The following TNNT1 variants were observed in gnomAD, a reference collection of about 807,000 sequenced individuals.
TNNT1 encodes the protein troponin T1, slow skeletal type.
TNNT1 carries 53 observed loss-of-function variants against 50.6 expected under a neutral mutation model. The observed-to-expected ratio is 1.05, with a 90% CI of 0.84 to 1.32. The LOEUF is 1.32. Ranked by LOEUF, TNNT1 falls within the 40% of genes most tolerant of loss-of-function variation. TNNT1 has a pLI of 0.00. For synonymous variants in TNNT1, 142 were observed against 138.0 expected, an observed-to-expected ratio of 1.03 and a Z score of -0.20; for missense variants, 348 against 381.7, an observed-to-expected ratio of 0.91 and a Z score of 0.74.
intron 11 of TNNT1, among the ~76,000 whole-genome samples, chr19:55,134,494 T>G (rs1437151552): frequency 3.3e-5 from 5 of 150,686 alleles, no homozygotes; most frequent in Non-Finnish European, 7.4e-5. Flanking sequence ...AAGACCAGCC[T>G]GGGCAACAAA....
At chr19:55,145,281 G>T in intron 6 of TNNT1, 1 of 536,798 alleles carries the variant, frequency 1.9e-6, no homozygotes, top group Non-Finnish European at 3.3e-6. Flanking sequence ...GGGTAACAGG[G>T]TGGAGACTAT....
intron 9 of TNNT1, among the ~76,000 whole-genome samples, chr19:55,138,878 G>A (rs192088229): frequency 4.6e-5 from 7 of 152,334 alleles, no homozygotes; most frequent in Non-Finnish European, 8.8e-5. Flanking sequence ...AAGGCATTAC[G>A]ACATTCGAGA....
rs567246193 is a variant in TNNT1 at position 55,149,143 on chromosome 19, C to G, written c.-12+18G>C. The G allele has an allele frequency of 2.2e-5, 10 of 456,224 alleles. No individual in the cohort carries two copies. Among genetic ancestry groups the G allele is most frequent in the Non-Finnish European group, 3.1e-5 (7 of 226,970 alleles). The allele number at this position is 456,224 out of a possible 1,614,324, so 28.3% of individuals were successfully genotyped here. On this transcript the variant is annotated intron_variant, in intron 1 of 13. Transcript: ENST00000588981. ...GACATGGTTTTTGAAGACCACAGGG[C>G]TCCGCAGAGCCCCTTACCTAGGCTG... is the stretch of plus-strand genomic sequence containing the variant.
At position 55,133,932 on chromosome 19, in the gene TNNT1, G is replaced by A. The variant is rs192248377; in HGVS notation, c.751-5C>T. On this transcript the variant is annotated splice_region_variant and splice_polypyrimidine_tract_variant and intron_variant, in intron 12 of 13. Coordinates refer to ENST00000588981, the MANE Select transcript of TNNT1 (RefSeq NM_003283.6). ...GCGGTTGTACAGCACGTTGATCTGC[G>A]GAGGCAGAAGACAGATGCTGGGACA... The A allele has an allele frequency of 4.7e-4, 765 of 1,613,166 alleles. 6 individuals are homozygous for A. The South Asian group carries it at 5.7e-3, about 12-fold the overall frequency.
chr19:55,144,319 C>G (rs533220252), intron 6 of TNNT1, among the ~76,000 whole-genome samples: 8 of 152,268 alleles, frequency 5.3e-5, no homozygotes, highest in African/African-American at 1.9e-4. Context: ...ATCCGCCCCC[C>G]TCAGCCTCCC....
chr19:55,139,803 A>AC (rs2085417808), intron 9 of TNNT1, among the ~76,000 whole-genome samples: 1 of 137,124 alleles, frequency 7.3e-6, no homozygotes, highest in South Asian at 2.8e-4. Flanking sequence ...CCTATCTCAA[A>AC]TAAAAAAAAA....
Position 55,146,701 on chromosome 19 carries a change from G to A in TNNT1, c.53C>T (p.Ala18Val). 6.7e-6 allele frequency: 10 copies of A among 1,497,640 alleles called. No homozygotes were observed. Among genetic ancestry groups the A allele is most frequent in the Non-Finnish European group, 8.9e-6 (10 of 1,120,800 alleles). The allele number at this position is 1,497,640 out of a possible 1,614,324, so 92.8% of individuals were successfully genotyped here. A position where few individuals can be genotyped will look rare whatever the true frequency, so the allele number is the denominator to read the frequency against. ...CTCACCTTCCTCCTCCTCCTCCGCA[G>A]CCTCCTCTGGAGATGGGGGCACAGA... ...EYEEEQPEEEAAEEEEEAPEE... is the reference protein window; with the variant it reads ...EYEEEQPEEEVAEEEEEAPEE... The change falls in exon 4 of 14, where the codon GCT (alanine) becomes GTT (valine). Residue 18 changes from alanine to valine, a missense_variant. Ala to Val is a moderately conservative substitution (Grantham distance 64). Transcript: ENST00000588981.
Position 55,133,913 on chromosome 19 carries a change from G to A in TNNT1, c.765C>T (p.Tyr255=), listed in dbSNP as rs555554383. The change falls in exon 13 of 14, where the codon TAC becomes TAT. Residue 255 remains tyrosine (Y), a synonymous_variant. Coordinates refer to ENST00000588981, the MANE Select transcript of TNNT1 (RefSeq NM_003283.6). The part of the protein sequence containing the change: ...KQQKYEINVL[Y]NRISHAQKFR... Reference sequence around the variant, plus strand: ...ACTTCTGGGCGTGGCTGATGCGGTTGTACAGCACGTTGATCTGCGGAGGCA... The same window carrying A: ...ACTTCTGGGCGTGGCTGATGCGGTTATACAGCACGTTGATCTGCGGAGGCA... 1.2e-6 allele frequency: 2 copies of A among 1,613,810 alleles called. No homozygotes were observed. Among genetic ancestry groups the A allele is most frequent in the South Asian group, 2.2e-5 (2 of 91,080 alleles).
rs191289325 is a variant in TNNT1 at position 55,133,536 on chromosome 19, C to T, written c.791+351G>A. ...CTACTAAAAATACAAAAATTAGCCACGCTTGGTGGCGCGCACCTGTAATCC... is the reference window on the plus strand; with the variant it reads ...CTACTAAAAATACAAAAATTAGCCATGCTTGGTGGCGCGCACCTGTAATCC... On this transcript the variant is annotated intron_variant, in intron 13 of 13. Transcript: ENST00000588981. The T allele has an allele frequency of 4.1e-3, 1,516 of 374,012 alleles. 13 individuals carry two copies. The highest frequency in any genetic ancestry group is 6.3e-3 in the Non-Finnish European group (1,261 of 201,368). 23.2% of individuals were successfully genotyped at this position (374,012 alleles called of 1,614,324 possible). A position where few individuals can be genotyped will look rare whatever the true frequency, so the allele number is the denominator to read the frequency against.
intron 12 of TNNT1, 44 bp downstream of exon 12, chr19:55,134,022 A>G: frequency 6.5e-7 from 1 of 1,539,372 alleles, no homozygotes; most frequent in Non-Finnish European, 9.0e-7. Flanking sequence ...CTCCCAGCCC[A>G]GCCCTGCCCT....
intron 11 of TNNT1, among the ~76,000 whole-genome samples, chr19:55,136,529 T>A (rs2085348477): frequency 6.6e-6 from 1 of 152,216 alleles, no homozygotes; most frequent in Admixed American, 6.5e-5. Flanking sequence ...CCGGCAAAGC[T>A]GGCACTGAGC....
intron 1 of TNNT1, among the ~76,000 whole-genome samples, chr19:55,147,686 G>GGGGGGAGGGGCTGGAGGCTTGT (rs2085601241): frequency 7.4e-6 from 1 of 135,654 alleles, no homozygotes; most frequent in Non-Finnish European, 1.6e-5. Flanking sequence ...CTGGGGTCTG[G>GGGGGGAGGGGCTGGAGGCTTGT]ACTCCTGGAT....
At chr19:55,143,221 A>G (rs2147260243) in intron 6 of TNNT1, among the ~76,000 whole-genome samples, 1 of 151,178 alleles carries the variant, frequency 6.6e-6, no homozygotes, top group African/African-American at 2.4e-5. Flanking sequence ...GGTGGTCTTG[A>G]ACTTCTGAGC....
intron 9 of TNNT1, among the ~76,000 whole-genome samples, chr19:55,140,022 G>A (rs2085421465): frequency 6.6e-6 from 1 of 152,056 alleles, no homozygotes; most frequent in South Asian, 2.1e-4. Flanking sequence ...TACTCAGGAG[G>A]CTGAGGCAGG....
chr19:55,139,997 G>A (rs1387239161), intron 9 of TNNT1, among the ~76,000 whole-genome samples: 1 of 151,970 alleles, frequency 6.6e-6, no homozygotes, highest in African/African-American at 2.4e-5. Flanking sequence ...GGTGGCAGGT[G>A]CCTGTAATCC....
chr19:55,137,358 G>A (rs1366282964), intron 10 of TNNT1, 146 bp from the exon 11 acceptor site: 1 of 648,654 alleles, frequency 1.5e-6, no homozygotes, highest in Non-Finnish European at 2.8e-6. Context: ...TCAGACCTAG[G>A]AGTCCAGCCC....
At chr19:55,141,680 C>T (rs1006275930) in intron 7 of TNNT1, among the ~76,000 whole-genome samples, 177 bp downstream of exon 7, 6 of 152,028 alleles carry the variant, frequency 3.9e-5, no homozygotes, top group Admixed American at 3.9e-4. Flanking sequence ...GACGGGGTTT[C>T]ACCATATTAA....
At chr19:55,144,967 C>T (rs1391026696) in intron 6 of TNNT1, among the ~76,000 whole-genome samples, 1 of 151,734 alleles carries the variant, frequency 6.6e-6, no homozygotes, top group Non-Finnish European at 1.5e-5. Flanking sequence ...ATGGTAAAGG[C>T]GCGAGGGGAA....
At position 55,137,811 on chromosome 19, in the gene TNNT1, C is replaced by T. The variant is rs1265315907; in HGVS notation, c.501+150G>A. The T allele has an allele frequency of 4.2e-6, 4 of 962,564 alleles. No homozygotes were observed. The African/African-American group carries it at 6.5e-5, about 16-fold the overall frequency. 59.6% of individuals were successfully genotyped at this position (962,564 alleles called of 1,614,324 possible). On this transcript the variant is annotated intron_variant, in intron 10 of 13. Transcript: ENST00000588981. Reference sequence around the variant, plus strand: ...AGGCGTCCAGACCCCAGCTCCTCCTCCCTCAGACCCAGGAGTTCAGGGCCC... The same window carrying T: ...AGGCGTCCAGACCCCAGCTCCTCCTTCCTCAGACCCAGGAGTTCAGGGCCC...
Sources: gnomAD v4.1 joint callset for allele counts (sites outside exome capture counted in the v4.1 genomes callset) on GRCh38, gnomAD v4.1.1 for gene constraint, MANE v1.5 for transcripts, NCBI Gene and HGNC (gene_info 2026-07-23, HGNC 2026-07-21) for gene names.